Variants in RBMS3 observed in about 807,000 individuals in gnomAD.
The protein encoded by RBMS3 is RNA-binding motif, single-stranded-interacting protein 3.
RBMS3 carries 27 observed loss-of-function variants against 66.8 expected under a neutral mutation model. The observed-to-expected ratio is 0.40, with a 90% confidence interval of 0.30 to 0.56. RBMS3 has a LOEUF of 0.56. Ranked by LOEUF, RBMS3 falls within the 20% of genes least tolerant of loss-of-function variation. The pLI, the probability that RBMS3 is intolerant of heterozygous loss-of-function variation, is 0.40. For synonymous variants in RBMS3, 188 were observed against 183.0 expected, an observed-to-expected ratio of 1.03 and a Z score of -0.22; for missense variants, 513 against 549.5, an observed-to-expected ratio of 0.93 and a Z score of 0.66.
chr3:29,392,457 A>G (rs1386177359), intron 1 of RBMS3, among the ~76,000 whole-genome samples: 1 of 152,088 alleles, frequency 6.6e-6, no homozygotes, highest in African/African-American at 2.4e-5. Flanking sequence ...CCCAGCTCTT[A>G]TGGTTAGTTC....
intron 1 of RBMS3, among the ~76,000 whole-genome samples, chr3:29,335,946 T>A: frequency 6.6e-6 from 1 of 152,140 alleles, no homozygotes; most frequent in East Asian, 1.9e-4. Context: ...ATTCAAATGA[T>A]TATAAAATAT....
chr3:29,648,263 A>ATTCTTTTTTTT (rs2050013844), intron 4 of RBMS3, among the ~76,000 whole-genome samples: 1 of 77,652 alleles, frequency 1.3e-5, no homozygotes, highest in Non-Finnish European at 2.4e-5. Flanking sequence ...GAAAATGTCT[A>ATTCTTTTTTTT]TTTTTTTTTT....
At chr3:29,294,792 A>C (rs2033107627) in intron 1 of RBMS3, among the ~76,000 whole-genome samples, 1 of 151,748 alleles carries the variant, frequency 6.6e-6, no homozygotes, top group African/African-American at 2.4e-5. Context: ...GTTTATTCAA[A>C]ATCCAGGGTC....
intron 6 of RBMS3, among the ~76,000 whole-genome samples, chr3:29,780,219 C>T (rs369044671): frequency 9.2e-5 from 14 of 151,608 alleles, no homozygotes; most frequent in African/African-American, 2.4e-4. Flanking sequence ...ACCAGATATG[C>T]CCCTGAGCGC....
intron 4 of RBMS3, among the ~76,000 whole-genome samples, chr3:29,625,891 C>A (rs2049046170): frequency 1.3e-5 from 2 of 151,988 alleles, no homozygotes; most frequent in African/African-American, 4.8e-5. Flanking sequence ...TTAGGAAGGT[C>A]ACCAAATTAG....
chr3:29,913,121 A>G (rs753363660), intron 10 of RBMS3, among the ~76,000 whole-genome samples: 7 of 152,022 alleles, frequency 4.6e-5, no homozygotes, highest in Non-Finnish European at 1.0e-4. Flanking sequence ...ACTCTGATGC[A>G]CTTGCCAAGA....
At chr3:29,674,386 G>T (rs1038314357) in intron 4 of RBMS3, among the ~76,000 whole-genome samples, 2 of 152,092 alleles carry the variant, frequency 1.3e-5, no homozygotes, top group Non-Finnish European at 2.9e-5. Flanking sequence ...TCAACATAGT[G>T]TCGGAAGTTC....
chr3:29,593,347 C>G (rs1576318097), intron 4 of RBMS3, among the ~76,000 whole-genome samples: 1 of 152,104 alleles, frequency 6.6e-6, no homozygotes, highest in Non-Finnish European at 1.5e-5. Flanking sequence ...TTTATCATTC[C>G]TAGGTAAAGC....
At chr3:29,947,755 A>C (rs1296092262) in intron 12 of RBMS3, among the ~76,000 whole-genome samples, 3 of 151,430 alleles carry the variant, frequency 2.0e-5, no homozygotes, top group Non-Finnish European at 4.4e-5. Flanking sequence ...GCCATTTTCT[A>C]TACATGGTTG....
chr3:29,618,189 A>C (rs779389907), intron 4 of RBMS3, among the ~76,000 whole-genome samples: 1 of 152,178 alleles, frequency 6.6e-6, no homozygotes, highest in Non-Finnish European at 1.5e-5. Context: ...AAATTAAATA[A>C]AAATCTAAAA....
At chr3:29,724,162 C>G (rs2053758820) in intron 4 of RBMS3, among the ~76,000 whole-genome samples, 1 of 152,236 alleles carries the variant, frequency 6.6e-6, no homozygotes, top group African/African-American at 2.4e-5. Flanking sequence ...TTAAGGATCT[C>G]ATTATCAATT....
At position 29,375,896 on chromosome 3, in the gene RBMS3, C is replaced by T. The variant is rs574828138; in HGVS notation, c.76-58847C>T. Among the ~76,000 whole-genome samples, 53 of 152,248 alleles carry T rather than the reference C, an allele frequency of 3.5e-4. No individual in the cohort carries two copies. The South Asian group carries it at 3.7e-3, about 11-fold the overall frequency. On this transcript the variant is annotated intron_variant, in intron 1 of 14. Transcript: ENST00000383767. ...TCATTCTATTATAAAGATACATGCA[C>T]GTGCGTGCTCATTGTAGCACTACTC... is the stretch of plus-strand genomic sequence containing the variant.
intron 1 of RBMS3, among the ~76,000 whole-genome samples, chr3:29,316,945 C>T (rs1180976538): frequency 6.6e-6 from 1 of 151,704 alleles, no homozygotes; most frequent in Non-Finnish European, 1.5e-5. Flanking sequence ...GAGATATTGA[C>T]ATACCAGCAT....
intron 14 of RBMS3, among the ~76,000 whole-genome samples, chr3:29,992,138 C>T (rs1698917006): frequency 6.6e-6 from 1 of 152,072 alleles, no homozygotes; most frequent in South Asian, 2.1e-4. Context: ...TAGAGAATCC[C>T]CCGACAATCC....
At chr3:29,286,658 T>C (rs1183852886) in intron 1 of RBMS3, among the ~76,000 whole-genome samples, 1 of 151,958 alleles carries the variant, frequency 6.6e-6, no homozygotes, top group South Asian at 2.1e-4. Flanking sequence ...GGACACAATA[T>C]AGAAGGGAGG....
At chr3:29,296,194 T>C (rs1327465731) in intron 1 of RBMS3, among the ~76,000 whole-genome samples, 2 of 151,828 alleles carry the variant, frequency 1.3e-5, no homozygotes, top group African/African-American at 4.8e-5. Flanking sequence ...GTCAGCTTCC[T>C]TTGTCTGCCA....
intron 12 of RBMS3, among the ~76,000 whole-genome samples, chr3:29,958,353 C>G (rs4552316): frequency 6.6e-6 from 1 of 151,940 alleles, no homozygotes; most frequent in Non-Finnish European, 1.5e-5. Context: ...TTCTTGAATT[C>G]CTTACTCTCA....
At chr3:29,492,120 T>C (rs1043279996) in intron 3 of RBMS3, among the ~76,000 whole-genome samples, 1 of 152,212 alleles carries the variant, frequency 6.6e-6, no homozygotes, top group Non-Finnish European at 1.5e-5. Flanking sequence ...ATCCTCAGCA[T>C]GTAGAGTCTC....
chr3:29,695,698 T>A (rs954911013), intron 4 of RBMS3, among the ~76,000 whole-genome samples: 1 of 152,182 alleles, frequency 6.6e-6, no homozygotes, highest in Non-Finnish European at 1.5e-5. Context: ...CTTTGCTAAC[T>A]TTTACTAACA....
Sources: gnomAD v4.1 joint callset for allele counts (sites outside exome capture counted in the v4.1 genomes callset) on GRCh38, gnomAD v4.1.1 for gene constraint, MANE v1.5 for transcripts, NCBI Gene and HGNC (gene_info 2026-07-23, HGNC 2026-07-21) for gene names.